CELSR1: variants seen among roughly 807,000 people sequenced by gnomAD.
CELSR1 encodes the protein adhesion G protein-coupled receptor C1.
CELSR1 carries 110 observed loss-of-function variants against 249.1 expected under a neutral mutation model. That is an observed-to-expected ratio of 0.44 (90% CI 0.38 to 0.52). CELSR1 has a LOEUF of 0.52. Ranked by LOEUF, CELSR1 falls within the 20% of genes least tolerant of loss-of-function variation. The pLI is 0.00. For missense variants in CELSR1, 4,109 were observed against 4,296.4 expected (o/e 0.96, Z 1.22); for synonymous variants, 2,113 against 1,900.0 (o/e 1.11, Z -2.92).
rs1412387457 is a variant in CELSR1, at chr22:46,448,157, G to A, written c.4184-8746C>T. Among the ~76,000 whole-genome samples, 1 of 152,206 alleles carries A rather than the reference G, an allele frequency of 6.6e-6. No homozygotes were observed. Among genetic ancestry groups the A allele is most frequent in the African/African-American group, 2.4e-5 (1 of 41,446 alleles). On this transcript the variant is annotated intron_variant, in intron 2 of 34. Transcript: ENST00000674500. This position sits in a 1 kb window ranked among gnomAD's most constrained non-coding sequence, Gnocchi z 5.7. ...AGCAAACGGCTTACCTGCTGCAGGC[G>A]GGGGCTGGGTGCTGGGTGTGCTCCT...
intron 1 of CELSR1, among the ~76,000 whole-genome samples, chr22:46,483,385 CTTTTTTTTT>C (rs10647586): frequency 2.5e-5 from 2 of 81,214 alleles, no homozygotes; most frequent in South Asian, 5.2e-4. Context: ...CTATTCCTGA[CTTTTTTTTT>C]TTTTTTTTTT....
intron 2 of CELSR1, among the ~76,000 whole-genome samples, chr22:46,458,000 C>T (rs1381092514): frequency 2.0e-5 from 3 of 152,300 alleles, no homozygotes; most frequent in East Asian, 1.9e-4. Flanking sequence ...TGCAGACCCG[C>T]GGGCATGTTC....
intron 5 of CELSR1, among the ~76,000 whole-genome samples, chr22:46,426,884 G>C (rs1232077462): frequency 6.6e-6 from 1 of 152,216 alleles, no homozygotes; most frequent in African/African-American, 2.4e-5. Flanking sequence ...CAGGCTTCCA[G>C]CCTCCAGGAC....
At chr22:46,516,541 T>A (rs1234283485) in intron 1 of CELSR1, among the ~76,000 whole-genome samples, 1 of 152,026 alleles carries the variant, frequency 6.6e-6, no homozygotes, top group Non-Finnish European at 1.5e-5. Context: ...GGTCTCGCCA[T>A]GTTGCCCAGG....
At chr22:46,492,503 C>A (rs570101704) in intron 1 of CELSR1, among the ~76,000 whole-genome samples, 1 of 152,248 alleles carries the variant, frequency 6.6e-6, no homozygotes, top group South Asian at 2.1e-4. Flanking sequence ...TTATTCCCAC[C>A]TGGATATATA....
intron 2 of CELSR1, among the ~76,000 whole-genome samples, chr22:46,458,012 G>C (rs1184817959): frequency 6.6e-6 from 1 of 152,266 alleles, no homozygotes; most frequent in South Asian, 2.1e-4. Context: ...GGCATGTTCT[G>C]TTGGGCGGAG....
At position 46,517,626 on chromosome 22, in the gene CELSR1, T is replaced by C. The variant is rs1478274509; in HGVS notation, c.3544+16001A>G. Reference sequence around the variant, plus strand: ...TGCACACACAGACGCACCCCTGACCTCTGACGGCCACATGCAGGACAGACA... The same window carrying C: ...TGCACACACAGACGCACCCCTGACCCCTGACGGCCACATGCAGGACAGACA... On this transcript the variant is annotated intron_variant, in intron 1 of 34. Coordinates refer to ENST00000674500, the MANE Select transcript of CELSR1 (RefSeq NM_001378328.1). The surrounding 1 kb of genome is among the most constrained non-coding windows in gnomAD (Gnocchi z 5.4). Among the ~76,000 whole-genome samples the C allele has an allele frequency of 6.6e-6, 1 of 152,198 alleles. No homozygotes were observed. Among genetic ancestry groups the C allele is most frequent in the African/African-American group, 2.4e-5 (1 of 41,454 alleles).
At chr22:46,439,770 G>A (rs963381410) in intron 2 of CELSR1, among the ~76,000 whole-genome samples, 2 of 152,094 alleles carry the variant, frequency 1.3e-5, no homozygotes, top group Admixed American at 6.5e-5. Context: ...TGAGGGGAAC[G>A]CCTAGAAACA....
Position 46,436,091 on chromosome 22 carries a change from C to T in CELSR1, c.4522+83G>A, listed in dbSNP as rs1167176987. 10 of 1,022,048 alleles carry T rather than the reference C, an allele frequency of 9.8e-6. No homozygotes were observed. Among genetic ancestry groups the T allele is most frequent in the South Asian group, 2.8e-5 (2 of 72,084 alleles). The allele number at this position is 1,022,048 out of a possible 1,614,324, so 63.3% of individuals were successfully genotyped here. A position where few individuals can be genotyped will look rare whatever the true frequency, so the allele number is the denominator to read the frequency against. On this transcript the variant is annotated intron_variant, in intron 4 of 34. Coordinates refer to ENST00000674500, the MANE Select transcript of CELSR1 (RefSeq NM_001378328.1). The surrounding 1 kb of genome is among the most constrained non-coding windows in gnomAD (Gnocchi z 5.9). ...GATGAAAGGGTAAGCAGCTTGGAGGCGCTGCACAGGGCGAGGGTCGTTTTA... is the reference window on the plus strand; with the variant it reads ...GATGAAAGGGTAAGCAGCTTGGAGGTGCTGCACAGGGCGAGGGTCGTTTTA...
In CELSR1 at chr22:46,363,798, G is replaced by A; in HGVS notation, c.9035+198C>T. 1.5e-6 allele frequency: 1 copy of A among 688,220 alleles called. No homozygotes were observed. The highest frequency in any genetic ancestry group is 2.3e-6 in the Non-Finnish European group (1 of 431,096). The allele number at this position is 688,220 out of a possible 1,614,324, so 42.6% of individuals were successfully genotyped here. On this transcript the variant is annotated intron_variant, in intron 34 of 34. Transcript: ENST00000674500. The surrounding 1 kb of genome is among the most constrained non-coding windows in gnomAD (Gnocchi z 4.3). Reference sequence around the variant, plus strand: ...GCCTGAGACGTGTCCCCAGGATAGGGGGTCTGCCCATCTCCGGGGTATCCT... The same window carrying A: ...GCCTGAGACGTGTCCCCAGGATAGGAGGTCTGCCCATCTCCGGGGTATCCT...
rs2079221011 is a variant in CELSR1, at chr22:46,402,627, GC to G, written c.5227-2726del. Among the ~76,000 whole-genome samples the G allele has an allele frequency of 1.3e-5, 2 of 152,180 alleles. No homozygotes were observed. Among genetic ancestry groups the G allele is most frequent in the Admixed American group, 6.5e-5 (1 of 15,272 alleles). On this transcript the variant is annotated intron_variant, in intron 9 of 34. Coordinates refer to ENST00000674500, the MANE Select transcript of CELSR1 (RefSeq NM_001378328.1). The surrounding 1 kb of genome is among the most constrained non-coding windows in gnomAD (Gnocchi z 5.0). ...GTAATATGCTTGAAAACCAAGAGAA[GC>G]AAGGAAGAGTGGCAACAGACCACAG...
intron 29 of CELSR1, among the ~76,000 whole-genome samples, chr22:46,366,695 T>G: frequency 6.6e-6 from 1 of 152,122 alleles, no homozygotes; most frequent in East Asian, 1.9e-4. Context: ...CGCGCTGTGG[T>G]CAGGGGCTGC....
chr22:46,449,399 T>G (rs552832967), intron 2 of CELSR1, among the ~76,000 whole-genome samples: 11 of 142,818 alleles, frequency 7.7e-5, no homozygotes, highest in Admixed American at 1.4e-4. Context: ...CCATCACACA[T>G]CCATCCATCC....
rs2079153726 is a variant in CELSR1, at chr22:46,396,896, A to G, written c.5702-150T>C. 2.7e-6 allele frequency: 3 copies of G among 1,106,088 alleles called. No homozygotes were observed. Among genetic ancestry groups the G allele is most frequent in the Non-Finnish European group, 3.9e-6 (3 of 776,636 alleles). 68.5% of individuals were successfully genotyped at this position (1,106,088 alleles called of 1,614,324 possible). On this transcript the variant is annotated intron_variant, in intron 12 of 34. Coordinates refer to ENST00000674500, the MANE Select transcript of CELSR1 (RefSeq NM_001378328.1). This position sits in a 1 kb window ranked among gnomAD's most constrained non-coding sequence, Gnocchi z 6.4. The stretch of plus-strand genomic sequence containing the variant: ...GAAGAGTGCCACAGAGTCCCCGAAA[A>G]CACAGCGTTAGGCGGGTTAGACTTA...
chr22:46,391,439 A>T lies in CELSR1; in HGVS notation c.6149-152T>A. ...TCTCCCCTGCCCCCATCCATGTCAG[A>T]GCTGGAGAGGGGTGACCAGGCTCTG... is the stretch of plus-strand genomic sequence containing the variant. On this transcript the variant is annotated intron_variant, in intron 15 of 34. Coordinates refer to ENST00000674500, the MANE Select transcript of CELSR1 (RefSeq NM_001378328.1). This position sits in a 1 kb window ranked among gnomAD's most constrained non-coding sequence, Gnocchi z 4.3. 1 of 906,552 alleles carries T rather than the reference A, an allele frequency of 1.1e-6. No homozygotes were observed. Among genetic ancestry groups the T allele is most frequent in the Non-Finnish European group, 1.6e-6 (1 of 611,724 alleles). 56.2% of individuals were successfully genotyped at this position (906,552 alleles called of 1,614,324 possible).
chr22:46,470,596 A>G (rs905478136), intron 1 of CELSR1, among the ~76,000 whole-genome samples: 8 of 152,102 alleles, frequency 5.3e-5, no homozygotes, highest in East Asian at 1.9e-4. Context: ...CCTAACATCA[A>G]TCTCCTTCGA....
In CELSR1 at chr22:46,464,094, G is replaced by A; in HGVS notation, c.3796C>T (p.Leu1266=). The A allele has an allele frequency of 3.7e-6, 6 of 1,613,838 alleles. No individual in the cohort carries two copies. The highest frequency in any genetic ancestry group is 5.1e-6 in the Non-Finnish European group (6 of 1,180,052). ...NILNVTFSAL[L]PGGVRGQFFP... Reference sequence around the variant, plus strand: ...AACTGGCCGCGGACGCCGCCAGGCAGCAGCGCCGAGAAGGTCACGTTCAGG... The same window carrying A: ...AACTGGCCGCGGACGCCGCCAGGCAACAGCGCCGAGAAGGTCACGTTCAGG... Residue 1266 remains leucine, a synonymous_variant, in exon 2 of 35, where the codon CTG becomes TTG. Transcript: ENST00000674500. The surrounding 1 kb of genome is among the most constrained non-coding windows in gnomAD (Gnocchi z 8.5).
intron 1 of CELSR1, among the ~76,000 whole-genome samples, chr22:46,501,145 T>C (rs2080462280): frequency 6.6e-6 from 1 of 151,552 alleles, no homozygotes; most frequent in Non-Finnish European, 1.5e-5. Flanking sequence ...GCAATTCTCC[T>C]GCCTCAGCCT....
Position 46,391,762 on chromosome 22 carries a change from G to T in CELSR1, c.6019C>A (p.Pro2007Thr), listed in dbSNP as rs2079095023. The T allele has an allele frequency of 6.2e-7, 1 of 1,612,678 alleles. No homozygotes were observed. Reference protein sequence around the residue: ...QDTCLPCDCFPHGSHSRTCDM... With the variant: ...QDTCLPCDCFTHGSHSRTCDM... ...CAAGTGCGGCTGTGGGAGCCATGGG[G>T]GAAGCAGTCGCAGGGCAGACAGGTG... Residue 2007 changes from proline to threonine, a missense_variant, in exon 15 of 35, where the codon CCC (proline) becomes ACC (threonine). Pro to Thr is a conservative substitution (Grantham distance 38). This residue lies in a region of CELSR1 where 1,805 missense variants were observed against 1,831.6 expected (regional missense o/e 0.99). Coordinates refer to ENST00000674500, the MANE Select transcript of CELSR1 (RefSeq NM_001378328.1). This position sits in a 1 kb window ranked among gnomAD's most constrained non-coding sequence, Gnocchi z 4.3.
Sources: gnomAD v4.1 joint callset for allele counts (sites outside exome capture counted in the v4.1 genomes callset) on GRCh38, gnomAD v4.1.1 for gene constraint, gnomAD v4.1.1 regional missense constraint, Gnocchi (gnomAD v3.1) non-coding constraint, MANE v1.5 for transcripts, NCBI Gene and HGNC (gene_info 2026-07-23, HGNC 2026-07-21) for gene names.